Variants in ZNF385D observed in about 807,000 individuals in gnomAD.
ZNF385D encodes zinc finger protein 385D, also known as zinc finger protein 659.
A neutral mutation model predicts 35.8 loss-of-function variants in ZNF385D; 15 were observed. That is an observed-to-expected ratio of 0.42 (90% confidence interval 0.28 to 0.64). The LOEUF is 0.64. Among genes scored for constraint, ZNF385D ranks in the 30% least tolerant of loss-of-function variants. ZNF385D has a pLI of 0.23. For missense variants in ZNF385D, 474 were observed against 494.6 expected, an observed-to-expected ratio of 0.96 and a Z score of 0.39; for synonymous variants, 212 against 186.8, an observed-to-expected ratio of 1.13 and a Z score of -1.10.
intron 2 of ZNF385D, among the ~76,000 whole-genome samples, chr3:21,575,551 C>T (rs1039115544): frequency 7.9e-5 from 12 of 152,162 alleles, no homozygotes; most frequent in African/African-American, 2.2e-4. Flanking sequence ...GTCATTTGCA[C>T]TTCCTCTAAC....
At chr3:21,858,976 G>A (rs1333403367) in intron 3 of ZNF385D, among the ~76,000 whole-genome samples, 3 of 152,008 alleles carry the variant, frequency 2.0e-5, no homozygotes, top group Admixed American at 2.0e-4. Flanking sequence ...TATAGAAACT[G>A]ATTTGATATC....
intron 3 of ZNF385D, among the ~76,000 whole-genome samples, chr3:22,037,967 A>C (rs1698441686): frequency 6.6e-6 from 1 of 152,184 alleles, no homozygotes; most frequent in African/African-American, 2.4e-5. Flanking sequence ...GACAAAAACA[A>C]GAAATGGGGA....
At chr3:21,599,134 T>G (rs1271676261) in intron 2 of ZNF385D, among the ~76,000 whole-genome samples, 1 of 152,238 alleles carries the variant, frequency 6.6e-6, no homozygotes, top group Non-Finnish European at 1.5e-5. Flanking sequence ...CGTTTCTCAT[T>G]GCAGACTAAC....
chr3:21,742,851 T>C (rs2069584182), intron 1 of ZNF385D, among the ~76,000 whole-genome samples: 1 of 152,240 alleles, frequency 6.6e-6, no homozygotes, highest in Non-Finnish European at 1.5e-5. Context: ...CTATGTAATT[T>C]ACTAAGCATG....
At chr3:21,916,084 T>A (rs1700181933) in intron 3 of ZNF385D, among the ~76,000 whole-genome samples, 1 of 152,160 alleles carries the variant, frequency 6.6e-6, no homozygotes. Context: ...GGACTCCTTC[T>A]TAAATGTTCA....
intron 3 of ZNF385D, among the ~76,000 whole-genome samples, chr3:22,048,620 C>G (rs1699155679): frequency 2.0e-5 from 3 of 152,108 alleles, no homozygotes; most frequent in Non-Finnish European, 2.9e-5. Flanking sequence ...GTTTTTGTAA[C>G]AGTACCATGT....
chr3:22,133,852 C>T (rs1703947934), intron 3 of ZNF385D: 1 of 151,916 alleles, frequency 6.6e-6, no homozygotes, highest in Non-Finnish European at 1.5e-5. Context: ...GCTCTTAGCA[C>T]CCCCCGACTT....
chr3:22,215,896 A>G (rs1363643308), intron 2 of ZNF385D, among the ~76,000 whole-genome samples: 1 of 151,868 alleles, frequency 6.6e-6, no homozygotes, highest in Non-Finnish European at 1.5e-5. Flanking sequence ...CTGTCCCTTT[A>G]TTTCTCAGAC....
chr3:21,548,016 G>A (rs1206457113), intron 3 of ZNF385D, among the ~76,000 whole-genome samples: 1 of 152,178 alleles, frequency 6.6e-6, no homozygotes, highest in African/African-American at 2.4e-5. Context: ...GAAGTTTGTA[G>A]TGGGGAGGAG....
chr3:21,922,513 A>C (rs1450084305), intron 3 of ZNF385D, among the ~76,000 whole-genome samples: 2 of 152,194 alleles, frequency 1.3e-5, no homozygotes, highest in African/African-American at 4.8e-5. Context: ...ATCTTTGACA[A>C]AGTCAACAAA....
chr3:21,813,343 G>C (rs780087094), intron 3 of ZNF385D, among the ~76,000 whole-genome samples: 2 of 152,196 alleles, frequency 1.3e-5, no homozygotes, highest in Admixed American at 6.5e-5. Context: ...GCTGGACAAA[G>C]AATGACTTTG....
At chr3:22,319,486 T>A (rs537069506) in intron 2 of ZNF385D, among the ~76,000 whole-genome samples, 2 of 152,082 alleles carry the variant, frequency 1.3e-5, no homozygotes, top group Admixed American at 6.6e-5. Flanking sequence ...CTGGGAAACT[T>A]TGGGGAAAAG....
intron 2 of ZNF385D, among the ~76,000 whole-genome samples, chr3:21,661,587 G>T (rs937234716): frequency 1.3e-5 from 2 of 152,114 alleles, no homozygotes; most frequent in South Asian, 2.1e-4. Context: ...ATATTTTTAA[G>T]CACTGAAACT....
At chr3:21,938,384 G>A (rs1328717713) in intron 3 of ZNF385D, among the ~76,000 whole-genome samples, 1 of 152,108 alleles carries the variant, frequency 6.6e-6, no homozygotes, top group Admixed American at 6.6e-5. Context: ...TAACTTAATT[G>A]GGCTGCAAGT....
Position 22,007,388 on chromosome 3 carries a change from T to C in ZNF385D, c.325+161429A>G, listed in dbSNP as rs116250070. Among the ~76,000 whole-genome samples, 440 of 152,358 alleles carry C rather than the reference T, an allele frequency of 2.9e-3. 6 individuals are homozygous for C. The highest frequency in any genetic ancestry group is 0.01 in the African/African-American group (419 of 41,590). On this transcript the variant is annotated intron_variant, in intron 3 of 5. Coordinates refer to the ZNF385D transcript ENST00000494108. ...CTACCATACCATTCAAATCAGACTT[T>C]TATGGATATTTATTTAGTTTGTTTT... is the stretch of plus-strand genomic sequence containing the variant.
intron 4 of ZNF385D, among the ~76,000 whole-genome samples, chr3:21,503,536 C>T (rs1015641501): frequency 6.6e-6 from 1 of 152,126 alleles, no homozygotes; most frequent in African/African-American, 2.4e-5. Flanking sequence ...CATTTGTTCA[C>T]TATTGTCATA....
At chr3:21,870,786 A>C (rs758923991) in intron 3 of ZNF385D, among the ~76,000 whole-genome samples, 4 of 152,116 alleles carry the variant, frequency 2.6e-5, no homozygotes, top group African/African-American at 4.8e-5. Flanking sequence ...ATGTTCTAGC[A>C]TACCACTGCT....
intron 3 of ZNF385D, among the ~76,000 whole-genome samples, chr3:22,037,376 G>A (rs1017927928): frequency 1.3e-5 from 2 of 151,558 alleles, no homozygotes; most frequent in African/African-American, 4.8e-5. Flanking sequence ...AGCACCTGTT[G>A]TTTCCTGACT....
intron 1 of ZNF385D, among the ~76,000 whole-genome samples, chr3:21,725,736 G>C (rs746036113): frequency 2.0e-5 from 3 of 152,082 alleles, no homozygotes; most frequent in Admixed American, 6.6e-5. Flanking sequence ...ATTGACAGCT[G>C]AATTCTACCA....
Sources: gnomAD v4.1 joint callset for allele counts (sites outside exome capture counted in the v4.1 genomes callset) on GRCh38, gnomAD v4.1.1 for gene constraint, MANE v1.5 for transcripts, NCBI Gene and HGNC (gene_info 2026-07-23, HGNC 2026-07-21) for gene names.